Variants in APCDD1 observed in about 807,000 individuals in gnomAD.
The protein encoded by APCDD1 is protein APCDD1.
A neutral mutation model predicts 38.1 loss-of-function variants in APCDD1; 15 were observed. That is an observed-to-expected ratio of 0.39 (90% confidence interval 0.26 to 0.61). The LOEUF is 0.61. Ranked by LOEUF, APCDD1 falls within the 20% of genes least tolerant of loss-of-function variation. The pLI, the probability that APCDD1 is intolerant of heterozygous loss-of-function variation, is 0.49. For missense variants in APCDD1, 647 were observed against 696.2 expected (o/e 0.93, Z 0.79); for synonymous variants, 261 against 279.7 (o/e 0.93, Z 0.67).
chr18:10,487,569 A>C (rs1598401556), intron 4 of APCDD1, 21 bp from the exon 5 acceptor site: 1 of 1,613,070 alleles, frequency 6.2e-7, no homozygotes, highest in South Asian at 1.1e-5. Context: ...GAGTCATGGA[A>C]CTCTCCTTTC....
chr18:10,487,788 G>A lies in APCDD1; in HGVS notation c.1295G>A (p.Arg432Gln), dbSNP rs562518496. The A allele has an allele frequency of 3.9e-5, 63 of 1,614,024 alleles. No individual in the cohort carries two copies. The highest frequency in any genetic ancestry group is 1.3e-4 in the East Asian group (6 of 44,872). Residue 432 changes from arginine (R) to glutamine (Q), a missense_variant, in exon 5 of 5, where the codon CGG (arginine) becomes CAG (glutamine). By Grantham distance (43) the Arg-to-Gln change is conservative. Transcript: ENST00000355285. ...ATCTTCAAAATGGAACAGGATGCCC[G>A]GGGGCGCTATCTGCTGTTCAACGGT... ...YEIFKMEQDA[R>Q]GRYLLFNGQR...
chr18:10,487,599 T>G lies in APCDD1; in HGVS notation c.1106T>G (p.Met369Arg). The change falls in exon 5 of 5, where the codon ATG becomes AGG. Residue 369 changes from methionine to arginine, a missense_variant. By Grantham distance (91) the Met-to-Arg change is moderately conservative. Transcript: ENST00000355285. ...CCTTTCTCCTTTGCAGTGAATCACA[T>G]GAAGGTCACCCCCATGGATGCGGCC... ...GTEFVFKVNH[M>R]KVTPMDAATA... 1 of 1,614,094 alleles carries G rather than the reference T, an allele frequency of 6.2e-7. No individual in the cohort carries two copies. The highest frequency in any genetic ancestry group is 8.5e-7 in the Non-Finnish European group (1 of 1,180,046).
rs1272317432 is a variant in APCDD1 at position 10,472,172 on chromosome 18, G to C, written c.774+111G>C. 22 of 1,470,202 alleles carry C rather than the reference G, an allele frequency of 1.5e-5. No homozygotes were observed. Among genetic ancestry groups the C allele is most frequent in the Middle Eastern group, 2.3e-4 (1 of 4,286 alleles). The allele number at this position is 1,470,202 out of a possible 1,614,324, so 91.1% of individuals were successfully genotyped here. A position where few individuals can be genotyped will look rare whatever the true frequency, so the allele number is the denominator to read the frequency against. On this transcript the variant is annotated intron_variant, in intron 3 of 4. Coordinates refer to ENST00000355285, the MANE Select transcript of APCDD1 (RefSeq NM_153000.5). This position sits in a 1 kb window ranked among gnomAD's most constrained non-coding sequence, Gnocchi z 6.6. ...CTTGAAAGGGGGAATTCTGCATCAT[G>C]GCGGGGCAGGCCAAGGTGGGGCTGC...
intron 3 of APCDD1, among the ~76,000 whole-genome samples, chr18:10,479,133 A>G (rs1268259344): frequency 6.6e-6 from 1 of 152,242 alleles, no homozygotes; most frequent in Non-Finnish European, 1.5e-5. Context: ...GGTTATCTAC[A>G]GCAGAAATTT....
chr18:10,472,024 G>T lies in APCDD1; in HGVS notation c.737G>T (p.Arg246Leu). 6.2e-7 allele frequency: 1 copy of T among 1,613,746 alleles called. No homozygotes were observed. The highest frequency in any genetic ancestry group is 8.5e-7 in the Non-Finnish European group (1 of 1,180,036). ...GATGCCACCCAGAGGATGTTCTACC[G>T]GCCCTCCAGTTACCAGCCCCCTCTG... Reference protein sequence around the residue: ...HTDATQRMFYRPSSYQPPLQN... With the variant: ...HTDATQRMFYLPSSYQPPLQN... The change falls in exon 3 of 5, where the codon CGG (arginine) becomes CTG (leucine). Residue 246 changes from arginine to leucine, a missense_variant. By Grantham distance (102) the Arg-to-Leu change is moderately radical (BLOSUM62 -2). Transcript: ENST00000355285. This position sits in a 1 kb window ranked among gnomAD's most constrained non-coding sequence, Gnocchi z 6.6.
rs1160879534 is a variant in APCDD1 at position 10,467,657 on chromosome 18, C to T, written c.59-812C>T. Among the ~76,000 whole-genome samples the T allele has an allele frequency of 1.3e-5, 2 of 152,166 alleles. No homozygotes were observed. The highest frequency in any genetic ancestry group is 2.9e-5 in the Non-Finnish European group (2 of 68,026). ...GAAATAAACATATGTAATCTTCTTG[C>T]CATTATTCTTAATTTAAAGCCCTGT... On this transcript the variant is annotated intron_variant, in intron 1 of 4. Coordinates refer to ENST00000355285, the MANE Select transcript of APCDD1 (RefSeq NM_153000.5). The surrounding 1 kb of genome is among the most constrained non-coding windows in gnomAD (Gnocchi z 4.8).
chr18:10,462,993 C>A (rs1187848005), intron 1 of APCDD1, among the ~76,000 whole-genome samples: 1 of 151,886 alleles, frequency 6.6e-6, no homozygotes, highest in African/African-American at 2.4e-5. Context: ...CTTTTGGTGG[C>A]CCCCCCTTCA....
At position 10,469,724 on chromosome 18, in the gene APCDD1, G is replaced by A. The variant is rs1301920915; in HGVS notation, c.242+1072G>A. On this transcript the variant is annotated intron_variant, in intron 2 of 4. Transcript: ENST00000355285. This position sits in a 1 kb window ranked among gnomAD's most constrained non-coding sequence, Gnocchi z 5.5. ...AGTTCAGAAAGCCTACCAAAGAAGG[G>A]GACCCTTGAGCTGAGACATTGTTGG... is the stretch of plus-strand genomic sequence containing the variant. Among the ~76,000 whole-genome samples, 1 of 152,194 alleles carries A rather than the reference G, an allele frequency of 6.6e-6. No homozygotes were observed. Among genetic ancestry groups the A allele is most frequent in the African/African-American group, 2.4e-5 (1 of 41,452 alleles).
At chr18:10,474,782 C>T (rs1305844787) in intron 3 of APCDD1, among the ~76,000 whole-genome samples, 2 of 152,192 alleles carry the variant, frequency 1.3e-5, no homozygotes, top group Non-Finnish European at 1.5e-5. Flanking sequence ...ACTTCATTCC[C>T]GTCAATGTCC....
chr18:10,469,751 T>C lies in APCDD1; in HGVS notation c.242+1099T>C, dbSNP rs2030807106. 6.6e-6 allele frequency among the ~76,000 whole-genome samples: 1 copy of C among 152,202 alleles called. No homozygotes were observed. Among genetic ancestry groups the C allele is most frequent in the Admixed American group, 6.5e-5 (1 of 15,284 alleles). On this transcript the variant is annotated intron_variant, in intron 2 of 4. Transcript: ENST00000355285. This position sits in a 1 kb window ranked among gnomAD's most constrained non-coding sequence, Gnocchi z 5.5. The stretch of plus-strand genomic sequence containing the variant: ...ACCCTTGAGCTGAGACATTGTTGGC[T>C]GTGCAAAGACTGTGGGAAGAGCTTT...
rs1358636605 is a variant in APCDD1 at position 10,488,343 on chromosome 18, T to TAA, written c.*306_*307insAA. On this transcript the variant is annotated 3_prime_UTR_variant, in exon 5 of 5. Coordinates refer to ENST00000355285, the MANE Select transcript of APCDD1 (RefSeq NM_153000.5). ...AGCAGGGATGAAAGCTAGGGCCTCT[T>TAA]ATTTTTTTCTCTTAATTATTATTAT... 0.028 allele frequency: 8,083 copies of TAA among 286,146 alleles called. 670 individuals carry two copies. The highest frequency in any genetic ancestry group is 0.17 in the African/African-American group (7,387 of 44,326). The allele number at this position is 286,146 out of a possible 1,614,324, so 17.7% of individuals were successfully genotyped here. A position where few individuals can be genotyped will look rare whatever the true frequency, so the allele number is the denominator to read the frequency against.
At chr18:10,466,497 G>A (rs1178608794) in intron 1 of APCDD1, among the ~76,000 whole-genome samples, 1 of 152,220 alleles carries the variant, frequency 6.6e-6, no homozygotes, top group Non-Finnish European at 1.5e-5. Flanking sequence ...AAAGGGACAT[G>A]GTCCTCACCC....
At chr18:10,465,837 A>G (rs2030700391) in intron 1 of APCDD1, among the ~76,000 whole-genome samples, 1 of 152,246 alleles carries the variant, frequency 6.6e-6, no homozygotes, top group South Asian at 2.1e-4. Context: ...TAAAATAATG[A>G]TACATCTTAA....
intron 3 of APCDD1, among the ~76,000 whole-genome samples, chr18:10,473,252 A>G (rs950819705): frequency 1.1e-4 from 16 of 152,080 alleles, no homozygotes. Context: ...AGTGGCTCTT[A>G]TTATAATAAT....
rs1163088232 is a variant in APCDD1 at position 10,469,518 on chromosome 18, T to TA, written c.242+867dup. 6.6e-6 allele frequency among the ~76,000 whole-genome samples: 1 copy of TA among 152,242 alleles called. No homozygotes were observed. The highest frequency in any genetic ancestry group is 1.5e-5 in the Non-Finnish European group (1 of 68,042). Reference sequence around the variant, plus strand: ...ATTCAACAAATATTTATTGAGTGCCTACCATATGCCAAACACTATTTTAAG... The same window carrying TA: ...ATTCAACAAATATTTATTGAGTGCCTAACCATATGCCAAACACTATTTTAAG... On this transcript the variant is annotated intron_variant, in intron 2 of 4. Transcript: ENST00000355285. The surrounding 1 kb of genome is among the most constrained non-coding windows in gnomAD (Gnocchi z 5.5).
rs2030327654 is a variant in APCDD1, at chr18:10,454,878, G to T, written c.-104G>T. ...CGGCAGCCGCCTGAAGCCCCGGCCTGGCCCGGCCGCACCCGGCCGGAGGCG... is the reference window on the plus strand; with the variant it reads ...CGGCAGCCGCCTGAAGCCCCGGCCTTGCCCGGCCGCACCCGGCCGGAGGCG... On this transcript the variant is annotated 5_prime_UTR_variant, in exon 1 of 5. Coordinates refer to ENST00000355285, the MANE Select transcript of APCDD1 (RefSeq NM_153000.5). 7.9e-7 allele frequency: 1 copy of T among 1,267,704 alleles called. No homozygotes were observed. Among genetic ancestry groups the T allele is most frequent in the East Asian group, 3.8e-5 (1 of 26,496 alleles). The allele number at this position is 1,267,704 out of a possible 1,614,324, so 78.5% of individuals were successfully genotyped here. A position where few individuals can be genotyped will look rare whatever the true frequency, so the allele number is the denominator to read the frequency against.
chr18:10,458,446 C>T (rs1568000395), intron 1 of APCDD1, among the ~76,000 whole-genome samples: 2 of 152,122 alleles, frequency 1.3e-5, no homozygotes, highest in Admixed American at 6.5e-5. Flanking sequence ...GTTTTTGTGA[C>T]CAAGAAAACA....
chr18:10,466,472 C>A (rs1355508748), intron 1 of APCDD1, among the ~76,000 whole-genome samples: 1 of 152,184 alleles, frequency 6.6e-6, no homozygotes, highest in East Asian at 1.9e-4. Flanking sequence ...GGCCCAGTGC[C>A]ACAGCTGAAC....
At chr18:10,479,880 G>A (rs1303420516) in intron 3 of APCDD1, among the ~76,000 whole-genome samples, 3 of 152,136 alleles carry the variant, frequency 2.0e-5, no homozygotes, top group African/African-American at 7.2e-5. Context: ...CCCACTCTTT[G>A]CCTAGAACAT....
Sources: allele counts gnomAD v4.1 joint callset (sites outside exome capture counted in the v4.1 genomes callset), GRCh38; gene constraint gnomAD v4.1.1; non-coding constraint Gnocchi (gnomAD v3.1); transcripts MANE v1.5; gene names NCBI Gene and HGNC (gene_info 2026-07-23, HGNC 2026-07-21).